Variants in FCRLB observed in about 807,000 individuals in gnomAD.
FCRLB encodes Fc receptor like B.
A neutral mutation model predicts 33.6 loss-of-function variants in FCRLB; 34 were observed. That is an observed-to-expected ratio of 1.01 (90% CI 0.77 to 1.35). The LOEUF (loss-of-function observed/expected upper bound fraction) is 1.35. Ranked by LOEUF, FCRLB falls within the 40% of genes most tolerant of loss-of-function variation. FCRLB has a pLI of 0.00. For missense variants in FCRLB, 560 were observed against 580.2 expected (o/e 0.97, Z 0.36); for synonymous variants, 280 against 255.9 (o/e 1.09, Z -0.90).
At chr1:161,723,490 C>G in exon 5 of FCRLB, 1 of 1,614,198 alleles carries the variant, frequency 6.2e-7, no homozygotes, top group Non-Finnish European at 8.5e-7. Flanking sequence ...CCCATCAGCA[C>G]TCTCTGGTAT....
chr1:161,723,224 C>T lies in FCRLB; in HGVS notation c.53-143C>T, dbSNP rs1683431889. ...TGTAACCCAATGAATGTGATCTCCT[C>T]TCCTGCAGGGATGGGTTAGTACATG... On this transcript the variant is annotated intron_variant, in intron 4 of 7. Coordinates refer to ENST00000367948, the Ensembl canonical transcript of FCRLB. The T allele has an allele frequency of 1.3e-5, 15 of 1,119,698 alleles. No homozygotes were observed. The South Asian group carries it at 1.6e-4, about 12-fold the overall frequency. 69.4% of individuals were successfully genotyped at this position (1,119,698 alleles called of 1,614,324 possible).
rs769190006 is a variant in FCRLB, at chr1:161,723,534, A to G, written c.220A>G (p.Ser74Gly). ...CCTACTTCTGCCCTCTCACAAGAAGAGCATTGAGGTGCAGACACCAGGGGT... is the reference window on the plus strand; with the variant it reads ...CCTACTTCTGCCCTCTCACAAGAAGGGCATTGAGGTGCAGACACCAGGGGT... The change falls in exon 5 of 8, where the codon AGC (serine) becomes GGC (glycine). Residue 74 changes from serine to glycine, a missense_variant. Physicochemically the swap from Ser to Gly is moderately conservative, Grantham distance 56. Coordinates refer to ENST00000367948, the Ensembl canonical transcript of FCRLB. 5.6e-6 allele frequency: 9 copies of G among 1,614,162 alleles called. No individual in the cohort carries two copies. The South Asian group carries it at 7.7e-5, about 14-fold the overall frequency.
chr1:161,723,619 A>G (rs759699732), exon 5 of FCRLB: 15 of 1,613,658 alleles, frequency 9.3e-6, no homozygotes, highest in South Asian at 6.6e-5. Context: ...TCTGTATCCA[A>G]TGGTGAGTGG....
rs746352684 is a variant in FCRLB, at chr1:161,723,356, C to T, written c.53-11C>T. The T allele has an allele frequency of 3.7e-6, 6 of 1,612,842 alleles. No homozygotes were observed. The African/African-American group carries it at 4.0e-5, about 11-fold the overall frequency. ...GCATGCTGCCCCCTCTCACCCCACT[C>T]CCCACCCCAGCTACTCTGGAGAAGC... On this transcript the variant is annotated splice_polypyrimidine_tract_variant and intron_variant, in intron 4 of 7. Transcript: ENST00000367948.
At position 161,727,198 on chromosome 1, in the gene FCRLB, C is replaced by T. The variant is rs771835858; in HGVS notation, c.866-49C>T. On this transcript the variant is annotated intron_variant, in intron 7 of 7. Transcript: ENST00000367948. ...CTACGCCCCTCCCCCAGCCCAGCGC[C>T]GAGAAGAACCATGCAAGCCGCGCGT... The T allele has an allele frequency of 2.6e-6, 4 of 1,532,010 alleles. No individual in the cohort carries two copies. In the East Asian group the frequency reaches 6.9e-5, roughly 26 times the overall value. The allele number at this position is 1,532,010 out of a possible 1,614,324, so 94.9% of individuals were successfully genotyped here.
At position 161,726,885 on chromosome 1, in the gene FCRLB, A is replaced by G. The variant is rs1683595272; in HGVS notation, c.757A>G (p.Thr253Ala). 3 of 1,587,326 alleles carry G rather than the reference A, an allele frequency of 1.9e-6. No individual in the cohort carries two copies. Among genetic ancestry groups the G allele is most frequent in the Non-Finnish European group, 2.6e-6 (3 of 1,166,480 alleles). Residue 253 changes from threonine to alanine, a missense_variant, in exon 7 of 8, where the codon ACA becomes GCA. Coordinates refer to ENST00000367948, the Ensembl canonical transcript of FCRLB. This position sits in a 1 kb window ranked among gnomAD's most constrained non-coding sequence, Gnocchi z 5.2. ...CCGCTTCGACTGGGGCGCCGAGTAC[A>G]CAGTCCCGGAGCCCGAGGTCGAGGA...
intron 3 of FCRLB, 49 bp downstream of exon 3, chr1:161,722,752 G>A (rs1472724196): frequency 1.9e-6 from 3 of 1,608,816 alleles, no homozygotes; most frequent in African/African-American, 1.3e-5. Context: ...TGGAGAATAG[G>A]GTGGACCAAG....
In FCRLB at chr1:161,726,666, G is replaced by A. The variant is rs754622901; in HGVS notation, c.575-37G>A. On this transcript the variant is annotated intron_variant, in intron 6 of 7. Coordinates refer to ENST00000367948, the Ensembl canonical transcript of FCRLB. The surrounding 1 kb of genome is among the most constrained non-coding windows in gnomAD (Gnocchi z 5.2). ...GAAGGAGCGGGGTCGCGGAGCGGTG[G>A]ACAAGCCGGCGCCGTTGCTCCCCGC... The A allele has an allele frequency of 3.0e-5, 47 of 1,561,170 alleles. 1 individual carries two copies. The highest frequency in any genetic ancestry group is 6.9e-6 in the Non-Finnish European group (8 of 1,160,906).
chr1:161,727,378 A>C (rs781141039), exon 8 of FCRLB: 23 of 1,613,268 alleles, frequency 1.4e-5, no homozygotes, highest in Non-Finnish European at 1.9e-5. Context: ...CTCCGTCCGG[A>C]ACACCACCTC....
chr1:161,727,820 A>G, exon 8 of FCRLB: 1 of 851,430 alleles, frequency 1.2e-6, no homozygotes, highest in Non-Finnish European at 1.8e-6. Flanking sequence ...TTTCAACCTC[A>G]CACAGCAGTT....
exon 8 of FCRLB, chr1:161,727,713 TTC>T (rs776288644): frequency 1.1e-5 from 17 of 1,510,088 alleles, no homozygotes; most frequent in Non-Finnish European, 1.4e-5. Flanking sequence ...GGTCTCCTGC[TTC>T]CCCTCACGCG....
At chr1:161,724,885 G>A (rs1225012545) in intron 5 of FCRLB, among the ~76,000 whole-genome samples, 1 of 152,136 alleles carries the variant, frequency 6.6e-6, no homozygotes, top group African/African-American at 2.4e-5. Context: ...GGGGTGTCAG[G>A]GATGTTTTCT....
At position 161,726,662 on chromosome 1, in the gene FCRLB, G is replaced by T. The variant is rs987406751; in HGVS notation, c.575-41G>T. The T allele has an allele frequency of 9.0e-6, 14 of 1,558,500 alleles. No homozygotes were observed. The highest frequency in any genetic ancestry group is 1.2e-5 in the Non-Finnish European group (14 of 1,159,516). On this transcript the variant is annotated intron_variant, in intron 6 of 7. Transcript: ENST00000367948. This position sits in a 1 kb window ranked among gnomAD's most constrained non-coding sequence, Gnocchi z 5.2. ...GCAGGAAGGAGCGGGGTCGCGGAGCGGTGGACAAGCCGGCGCCGTTGCTCC... is the reference window on the plus strand; with the variant it reads ...GCAGGAAGGAGCGGGGTCGCGGAGCTGTGGACAAGCCGGCGCCGTTGCTCC...
chr1:161,723,116 T>C, intron 4 of FCRLB, 107 bp downstream of exon 4: 1 of 1,406,818 alleles, frequency 7.1e-7, no homozygotes, highest in East Asian at 2.3e-5. Flanking sequence ...TGGGATAGTG[T>C]CTCTTCCCAC....
chr1:161,725,860 A>G (rs1571082179), exon 6 of FCRLB: 1 of 1,613,902 alleles, frequency 6.2e-7, no homozygotes, highest in Non-Finnish European at 8.5e-7. Context: ...CCAGTGTTCG[A>G]GGGTGAGCCG....
At position 161,726,607 on chromosome 1, in the gene FCRLB, C is replaced by A; in HGVS notation, c.575-96C>A. 3.3e-6 allele frequency: 5 copies of A among 1,499,148 alleles called. No individual in the cohort carries two copies. The highest frequency in any genetic ancestry group is 4.5e-6 in the Non-Finnish European group (5 of 1,113,710). The allele number at this position is 1,499,148 out of a possible 1,614,324, so 92.9% of individuals were successfully genotyped here. ...CGGCCTCCTCCCCTCCCCCCTTGGT[C>A]TGTGGGTCTGCAAGGAGCCCTCGCG... is the stretch of plus-strand genomic sequence containing the variant. On this transcript the variant is annotated intron_variant, in intron 6 of 7. Transcript: ENST00000367948. This position sits in a 1 kb window ranked among gnomAD's most constrained non-coding sequence, Gnocchi z 5.2.
chr1:161,725,798 C>A (rs539222646), intron 5 of FCRLB, 23 bp from the exon 6 acceptor site: 6 of 1,576,166 alleles, frequency 3.8e-6, no homozygotes, highest in Admixed American at 3.5e-5. Context: ...TGGAGTCAAG[C>A]GTGTCTGTGG....
chr1:161,726,231 T>A lies in FCRLB; in HGVS notation c.574+144T>A. The stretch of plus-strand genomic sequence containing the variant: ...CTTAGACTATGGACGCTGTCTCCTC[T>A]CCTTTGCCGTGAAGCAGCGCTTGAT... On this transcript the variant is annotated intron_variant, in intron 6 of 7. Transcript: ENST00000367948. The surrounding 1 kb of genome is among the most constrained non-coding windows in gnomAD (Gnocchi z 5.2). 7.3e-7 allele frequency: 1 copy of A among 1,372,304 alleles called. No homozygotes were observed. The highest frequency in any genetic ancestry group is 1.0e-6 in the Non-Finnish European group (1 of 989,360). 85.0% of individuals were successfully genotyped at this position (1,372,304 alleles called of 1,614,324 possible). A position where few individuals can be genotyped will look rare whatever the true frequency, so the allele number is the denominator to read the frequency against.
chr1:161,722,030 A>G (rs928336531), intron 2 of FCRLB, among the ~76,000 whole-genome samples, 180 bp downstream of exon 2: 2 of 152,214 alleles, frequency 1.3e-5, no homozygotes, highest in Non-Finnish European at 2.9e-5. Context: ...GATTTCAGGA[A>G]GGGAGGAAGA....
Sources: allele counts gnomAD v4.1 joint callset (sites outside exome capture counted in the v4.1 genomes callset), GRCh38; gene constraint gnomAD v4.1.1; non-coding constraint Gnocchi (gnomAD v3.1); transcripts MANE v1.5; gene names NCBI Gene and HGNC (gene_info 2026-07-23, HGNC 2026-07-21).